Variants in PDZD2 observed in about 807,000 individuals in gnomAD.
PDZD2 encodes the protein PDZ domain containing 2.
A neutral mutation model predicts 220.7 loss-of-function variants in PDZD2; 90 were observed. The observed-to-expected ratio is 0.41, with a 90% CI of 0.34 to 0.49. PDZD2 has a LOEUF of 0.49. Among genes scored for constraint, PDZD2 ranks in the 20% least tolerant of loss-of-function variants. The pLI, the probability that PDZD2 is intolerant of heterozygous loss-of-function variation, is 0.28. For synonymous variants in PDZD2, 1,375 were observed against 1,450.5 expected, an observed-to-expected ratio of 0.95 and a Z score of 1.18; for missense variants, 3,174 against 3,608.5, an observed-to-expected ratio of 0.88 and a Z score of 3.08.
Position 32,010,569 on chromosome 5 carries a change from A to G in PDZD2, c.1407+87A>G. 3 of 871,930 alleles carry G rather than the reference A, an allele frequency of 3.4e-6. No individual in the cohort carries two copies. In the South Asian group the frequency reaches 4.2e-5, roughly 12 times the overall value. 54.0% of individuals were successfully genotyped at this position (871,930 alleles called of 1,614,324 possible). ...CAGGATTAGGGGATAAATGCTTGAG[A>G]TAGTATGATAGAGACCATGATGGGA... On this transcript the variant is annotated intron_variant, in intron 6 of 24. Transcript: ENST00000438447.
intron 2 of PDZD2, among the ~76,000 whole-genome samples, chr5:31,928,495 A>G (rs986939955): frequency 2.7e-5 from 4 of 149,586 alleles, no homozygotes; most frequent in Admixed American, 2.7e-4. Context: ...TTTTTTTTTG[A>G]GTCAGAGTCT....
rs1200985149 is a variant in PDZD2 at position 31,689,352 on chromosome 5, TA to T, written c.-361+49916del. 5.4e-3 allele frequency among the ~76,000 whole-genome samples: 361 copies of T among 66,986 alleles called. 10 individuals carry two copies. Among genetic ancestry groups the T allele is most frequent in the African/African-American group, 0.023 (297 of 12,746 alleles). 43.9% of individuals were successfully genotyped at this position (66,986 alleles called of 152,430 possible). A position where few individuals can be genotyped will look rare whatever the true frequency, so the allele number is the denominator to read the frequency against. On this transcript the variant is annotated intron_variant, in intron 1 of 24. Transcript: ENST00000438447. Reference sequence around the variant, plus strand: ...ATACATATACATATATATATATATATATTTTTTTTTTTTTTTTTTTTAAGTC... The same window carrying T: ...ATACATATACATATATATATATATATTTTTTTTTTTTTTTTTTTTTAAGTC...
chr5:31,656,519 G>T (rs1234841918), intron 1 of PDZD2, among the ~76,000 whole-genome samples: 1 of 152,144 alleles, frequency 6.6e-6, no homozygotes, highest in Non-Finnish European at 1.5e-5. Flanking sequence ...GGATTGGTTC[G>T]ACTATTCTTG....
intron 18 of PDZD2, among the ~76,000 whole-genome samples, chr5:32,075,031 C>T (rs184630084): frequency 6.6e-6 from 1 of 152,242 alleles, no homozygotes; most frequent in East Asian, 1.9e-4. Flanking sequence ...AGGCTGGTCT[C>T]GAACTCCTGG....
intron 2 of PDZD2, among the ~76,000 whole-genome samples, chr5:31,871,910 C>A (rs1215702188): frequency 6.6e-6 from 1 of 152,130 alleles, no homozygotes; most frequent in Non-Finnish European, 1.5e-5. Flanking sequence ...ATGGCAGCCT[C>A]AACCTCCTGG....
intron 2 of PDZD2, among the ~76,000 whole-genome samples, chr5:31,921,674 A>AGT (rs1744270470): frequency 6.6e-6 from 1 of 152,078 alleles, no homozygotes; most frequent in South Asian, 2.1e-4. Flanking sequence ...TGGGTGACAG[A>AGT]GTGAGACCCC....
intron 2 of PDZD2, among the ~76,000 whole-genome samples, chr5:31,859,916 C>G (rs796230759): frequency 7.2e-5 from 11 of 152,152 alleles, no homozygotes; most frequent in African/African-American, 2.7e-4. Context: ...CGGGTAGTTG[C>G]CAGTATTAAA....
intron 6 of PDZD2, among the ~76,000 whole-genome samples, chr5:32,011,347 A>G (rs1581271232): frequency 6.6e-6 from 1 of 151,540 alleles, no homozygotes. Flanking sequence ...AAAAAAAAAA[A>G]AATTAGCCAG....
intron 2 of PDZD2, among the ~76,000 whole-genome samples, chr5:31,927,068 AG>A (rs1464054148): frequency 1.3e-5 from 2 of 152,166 alleles, no homozygotes. Context: ...AGACTACTAG[AG>A]GGGGTCAGGG....
At chr5:32,091,199 A>T in intron 20 of PDZD2, 24 bp downstream of exon 20, 1 of 1,470,316 alleles carries the variant, frequency 6.8e-7, no homozygotes, top group Non-Finnish European at 9.1e-7. Context: ...CACTACTTTT[A>T]TTTCAGATAA....
At chr5:31,654,069 C>A (rs1449350876) in intron 1 of PDZD2, among the ~76,000 whole-genome samples, 1 of 152,106 alleles carries the variant, frequency 6.6e-6, no homozygotes, top group Non-Finnish European at 1.5e-5. Context: ...CAGGCGTGGG[C>A]CACCGCGCCT....
At chr5:32,037,506 C>G (rs1306203623) in intron 7 of PDZD2, among the ~76,000 whole-genome samples, 164 bp downstream of exon 7, 1 of 152,184 alleles carries the variant, frequency 6.6e-6, no homozygotes, top group African/African-American at 2.4e-5. Context: ...TGCATTTAGC[C>G]TCCTGCCTGT....
rs755718913 is a variant in PDZD2, at chr5:31,840,819, G to A, written c.476+41095G>A. 120 of 753,400 alleles carry A rather than the reference G, an allele frequency of 1.6e-4. 1 individual carries two copies. Among genetic ancestry groups the A allele is most frequent in the East Asian group, 3.2e-4 (13 of 40,790 alleles). The allele number at this position is 753,400 out of a possible 1,614,324, so 46.7% of individuals were successfully genotyped here. On this transcript the variant is annotated intron_variant, in intron 2 of 24. Transcript: ENST00000438447. ...TTTGCCATGGTGACACCTGTGGGGC[G>A]TTCCTTTTTGAACAGTACCCATTCC...
intron 2 of PDZD2, among the ~76,000 whole-genome samples, chr5:31,932,436 G>C (rs946358770): frequency 5.3e-5 from 8 of 151,918 alleles, no homozygotes; most frequent in Non-Finnish European, 1.0e-4. Flanking sequence ...GTAATCCCAG[G>C]TACCCGGGAG....
intron 1 of PDZD2, among the ~76,000 whole-genome samples, chr5:31,690,575 G>C (rs975098115): frequency 1.3e-5 from 2 of 152,172 alleles, no homozygotes; most frequent in Non-Finnish European, 1.5e-5. Flanking sequence ...GGCCATCCCT[G>C]TTCCTTAGCT....
intron 2 of PDZD2, among the ~76,000 whole-genome samples, chr5:31,839,859 C>T (rs1339446266): frequency 1.3e-5 from 2 of 152,194 alleles, no homozygotes; most frequent in Non-Finnish European, 2.9e-5. Context: ...AGGGGCTTTT[C>T]CCTCTTTGCT....
At chr5:31,946,283 G>A (rs778424027) in intron 2 of PDZD2, among the ~76,000 whole-genome samples, 2 of 152,178 alleles carry the variant, frequency 1.3e-5, no homozygotes, top group African/African-American at 2.4e-5. Context: ...GATTATAGAC[G>A]TGAGTCACTG....
At chr5:31,820,813 T>C (rs960081109) in intron 2 of PDZD2, among the ~76,000 whole-genome samples, 1 of 152,138 alleles carries the variant, frequency 6.6e-6, no homozygotes, top group Non-Finnish European at 1.5e-5. Flanking sequence ...CATTTCCAGG[T>C]TGGGTATTAT....
intron 2 of PDZD2, among the ~76,000 whole-genome samples, chr5:31,923,740 TAAAAA>T (rs1478643963): frequency 6.6e-6 from 1 of 152,162 alleles, no homozygotes; most frequent in East Asian, 1.9e-4. Flanking sequence ...GTTAAAAAAA[TAAAAA>T]TAAAATACAC....
Sources: allele counts gnomAD v4.1 joint callset (sites outside exome capture counted in the v4.1 genomes callset), GRCh38; gene constraint gnomAD v4.1.1; transcripts MANE v1.5; gene names NCBI Gene and HGNC (gene_info 2026-07-23, HGNC 2026-07-21).